Variants in ABTB3 observed in about 807,000 individuals in gnomAD.
The protein encoded by ABTB3 is ankyrin repeat and BTB domain containing 3.
chr12:107,467,147 T>C, the ABTB3 span, among the ~76,000 whole-genome samples: 1 of 152,278 alleles, frequency 6.6e-6, no homozygotes, highest in East Asian at 1.9e-4. Context: ...GTTGGTATAA[T>C]GAGCTCCCAA....
chr12:107,601,318 C>A, the ABTB3 span, among the ~76,000 whole-genome samples: 1 of 152,216 alleles, frequency 6.6e-6, no homozygotes. Flanking sequence ...CTCAGACCTT[C>A]GCCTCAGTTT....
At chr12:107,361,801 C>A in the ABTB3 span, among the ~76,000 whole-genome samples, 1 of 152,060 alleles carries the variant, frequency 6.6e-6, no homozygotes. Flanking sequence ...TGTGTCCCAC[C>A]CCGCCACCTC....
At chr12:107,583,875 C>G in the ABTB3 span, among the ~76,000 whole-genome samples, 2 of 152,176 alleles carry the variant, frequency 1.3e-5, no homozygotes, top group South Asian at 2.1e-4. Context: ...TCTCTTCATT[C>G]TTGACTCATT....
the ABTB3 span, among the ~76,000 whole-genome samples, chr12:107,539,701 G>A: frequency 6.6e-6 from 1 of 152,208 alleles, no homozygotes; most frequent in Non-Finnish European, 1.5e-5. Flanking sequence ...CATGAGCCCA[G>A]GAGAACTGCT....
At chr12:107,587,978 T>C in the ABTB3 span, among the ~76,000 whole-genome samples, 17 of 152,168 alleles carry the variant, frequency 1.1e-4, no homozygotes, top group Non-Finnish European at 2.4e-4. Flanking sequence ...TGCAGGGCCA[T>C]ACTCCTTCAA....
At chr12:107,348,555 T>A in the ABTB3 span, among the ~76,000 whole-genome samples, 1 of 152,108 alleles carries the variant, frequency 6.6e-6, no homozygotes, top group African/African-American at 2.4e-5. Flanking sequence ...AGACCCTATC[T>A]CTACAAAGAA....
chr12:107,338,663 C>T, the ABTB3 span, among the ~76,000 whole-genome samples: 2 of 152,240 alleles, frequency 1.3e-5, no homozygotes, highest in East Asian at 1.9e-4. Flanking sequence ...GGGACATAAT[C>T]CCCCAACTCT....
chr12:107,611,363 TAG>T, the ABTB3 span, among the ~76,000 whole-genome samples: 125 of 152,246 alleles, frequency 8.2e-4, no homozygotes, highest in Admixed American at 1.6e-3. Context: ...ATATTTTTTA[TAG>T]AGACAGGGTC....
At chr12:107,388,929 G>A in the ABTB3 span, among the ~76,000 whole-genome samples, 59 of 152,342 alleles carry the variant, frequency 3.9e-4, no homozygotes, top group African/African-American at 1.4e-3. Context: ...AAGATCAAAT[G>A]AGTTTGCTTA....
At chr12:107,450,563 G>A in the ABTB3 span, among the ~76,000 whole-genome samples, 1 of 152,192 alleles carries the variant, frequency 6.6e-6, no homozygotes, top group East Asian at 1.9e-4. Context: ...CAGTGGGCTT[G>A]AGGGGCATTC....
chr12:107,426,658 G>T, the ABTB3 span, among the ~76,000 whole-genome samples: 2 of 152,156 alleles, frequency 1.3e-5, no homozygotes, highest in African/African-American at 4.8e-5. Flanking sequence ...GTCAGGCTGT[G>T]AAGAAAGGCA....
chr12:107,457,789 G>T, the ABTB3 span, among the ~76,000 whole-genome samples: 1 of 152,208 alleles, frequency 6.6e-6, no homozygotes, highest in Non-Finnish European at 1.5e-5. Context: ...TTGGCAGAAC[G>T]GGCAAAGAGA....
chr12:107,503,486 G>A, the ABTB3 span, among the ~76,000 whole-genome samples: 1 of 152,088 alleles, frequency 6.6e-6, no homozygotes, highest in Non-Finnish European at 1.5e-5. Context: ...CATGGATAAG[G>A]CCAGTCGAGG....
At chr12:107,457,918 G>A in the ABTB3 span, among the ~76,000 whole-genome samples, 1 of 152,206 alleles carries the variant, frequency 6.6e-6, no homozygotes, top group Admixed American at 6.5e-5. Context: ...TACTAGCCGT[G>A]TGACCTCGGG....
chr12:107,340,523 C>T, the ABTB3 span, among the ~76,000 whole-genome samples: 2 of 152,212 alleles, frequency 1.3e-5, no homozygotes, highest in Admixed American at 1.3e-4. Flanking sequence ...GTCTATAAAT[C>T]TGAATAGGAA....
At chr12:107,348,186 G>A in the ABTB3 span, among the ~76,000 whole-genome samples, 11 of 151,990 alleles carry the variant, frequency 7.2e-5, no homozygotes, top group African/African-American at 2.7e-4. Context: ...ATGCGTGTGT[G>A]TATATATGAT....
At chr12:107,470,026 C>G in the ABTB3 span, among the ~76,000 whole-genome samples, 4 of 138,458 alleles carry the variant, frequency 2.9e-5, no homozygotes, top group Non-Finnish European at 4.7e-5. Flanking sequence ...CTCTCTCTCT[C>G]TCTCTCTCTT....
chr12:107,588,246 T>C, the ABTB3 span, among the ~76,000 whole-genome samples: 1 of 152,212 alleles, frequency 6.6e-6, no homozygotes, highest in Non-Finnish European at 1.5e-5. Context: ...CATACCCATA[T>C]GGAAAAGGAG....
chr12:107,448,959 G>A, the ABTB3 span, among the ~76,000 whole-genome samples: 5 of 152,376 alleles, frequency 3.3e-5, no homozygotes, highest in Middle Eastern at 3.4e-3. Context: ...TGAATGAACC[G>A]AAGCAGCATC....
Sources: gnomAD v4.1 joint callset for allele counts (sites outside exome capture counted in the v4.1 genomes callset) on GRCh38, gnomAD v4.1.1 for gene constraint, MANE v1.5 for transcripts, NCBI Gene and HGNC (gene_info 2026-07-23, HGNC 2026-07-21) for gene names.